The following ARHGAP18 variants were observed in gnomAD, a reference collection of about 807,000 sequenced individuals.
The protein encoded by ARHGAP18 is rho GTPase-activating protein 18.
ARHGAP18 carries 67 observed loss-of-function variants against 86.2 expected under a neutral mutation model. The ratio of observed to expected loss-of-function variants is 0.78; its 90% CI spans 0.64 to 0.95. The LOEUF is 0.95. ARHGAP18 is among the 40% of genes least tolerant of loss of function. The pLI, the probability that ARHGAP18 is intolerant of heterozygous loss-of-function variation, is 0.00. For missense variants in ARHGAP18, 691 were observed against 780.4 expected (o/e 0.89, Z 1.37); for synonymous variants, 283 against 280.4 (o/e 1.01, Z -0.09).
intron 1 of ARHGAP18, among the ~76,000 whole-genome samples, chr6:129,701,977 C>T (rs899883173): frequency 1.3e-5 from 2 of 152,154 alleles, no homozygotes; most frequent in African/African-American, 4.8e-5. Context: ...TGAGTGTCCC[C>T]ATATGACCAG....
chr6:129,580,875 CAAAAAGAAAAA>C (rs1416462134), intron 13 of ARHGAP18, among the ~76,000 whole-genome samples: 2 of 149,406 alleles, frequency 1.3e-5, no homozygotes, highest in Non-Finnish European at 3.0e-5. Context: ...ATCCTGTCTC[CAAAAAGAAAAA>C]AAAAAGAATA....
chr6:129,597,482 A>C (rs1788637689), intron 12 of ARHGAP18, among the ~76,000 whole-genome samples: 1 of 151,992 alleles, frequency 6.6e-6, no homozygotes, highest in Non-Finnish European at 1.5e-5. Context: ...TTTATTTTTC[A>C]CATCTCAGCT....
At chr6:129,584,244 T>A (rs1214395953) in intron 12 of ARHGAP18, 132 bp from the exon 13 acceptor site, 7 of 1,276,832 alleles carry the variant, frequency 5.5e-6, no homozygotes, top group African/African-American at 3.0e-5. Flanking sequence ...AACTACTGTA[T>A]AATGTAATTT....
intron 5 of ARHGAP18, among the ~76,000 whole-genome samples, chr6:129,627,343 A>G (rs72982678): frequency 0.067 from 10,196 of 151,940 alleles, 401 homozygotes; most frequent in South Asian, 0.09. Context: ...TAATAAATTA[A>G]TGGATCCAGG....
chr6:129,601,870 C>G (rs545681438), intron 10 of ARHGAP18, among the ~76,000 whole-genome samples: 1 of 151,864 alleles, frequency 6.6e-6, no homozygotes, highest in South Asian at 2.1e-4. Context: ...TCAAGAAACA[C>G]TTCCACCTCA....
intron 1 of ARHGAP18, among the ~76,000 whole-genome samples, chr6:129,657,904 T>C (rs563485117): frequency 1.8e-4 from 28 of 152,252 alleles, no homozygotes; most frequent in Non-Finnish European, 3.2e-4. Context: ...ATCCTTACTT[T>C]GGGCTATTGC....
Position 129,578,427 on chromosome 6 carries a change from G to T in ARHGAP18, c.*86C>A. ...ACTTGGGTACAACTGAATAATATGA[G>T]TCCTGCCATTTCTTTTATTTACACT... On this transcript the variant is annotated 3_prime_UTR_variant, in exon 15 of 15. Transcript: ENST00000368149. 9.5e-7 allele frequency: 1 copy of T among 1,053,466 alleles called. No homozygotes were observed. The highest frequency in any genetic ancestry group is 1.4e-6 in the Non-Finnish European group (1 of 707,382). The allele number at this position is 1,053,466 out of a possible 1,614,324, so 65.3% of individuals were successfully genotyped here. A position where few individuals can be genotyped will look rare whatever the true frequency, so the allele number is the denominator to read the frequency against.
chr6:129,611,503 A>C (rs34046462), intron 8 of ARHGAP18, 30 bp downstream of exon 8: 194,877 of 1,580,560 alleles, frequency 0.12, 13,459 homozygotes, highest in Middle Eastern at 0.17. Context: ...AAACAATAAA[A>C]TGTTTACATT....
At chr6:129,601,527 A>AAAAGAGAGAAGAAAAGAG (rs1788745086) in intron 10 of ARHGAP18, among the ~76,000 whole-genome samples, 1 of 151,308 alleles carries the variant, frequency 6.6e-6, no homozygotes, top group Non-Finnish European at 1.5e-5. Context: ...GAGAAGAGAG[A>AAAAGAGAGAAGAAAAGAG]AAAGAGAGAA....
chr6:129,680,402 T>A (rs1774305321), intron 1 of ARHGAP18, among the ~76,000 whole-genome samples: 1 of 152,256 alleles, frequency 6.6e-6, no homozygotes, highest in Admixed American at 6.5e-5. Flanking sequence ...GGTGAGAATT[T>A]AATTAAATTA....
At chr6:129,647,139 A>T (rs546137556) in intron 1 of ARHGAP18, among the ~76,000 whole-genome samples, 22 of 151,870 alleles carry the variant, frequency 1.4e-4, no homozygotes, top group South Asian at 1.2e-3. Flanking sequence ...AAATGTCTTT[A>T]AAAAAAACCC....
At chr6:129,657,845 G>A (rs931022387) in intron 1 of ARHGAP18, among the ~76,000 whole-genome samples, 2 of 152,174 alleles carry the variant, frequency 1.3e-5, no homozygotes, top group African/African-American at 2.4e-5. Flanking sequence ...GAGTATGCAT[G>A]ACAGAAAAGA....
At chr6:129,625,908 A>ATTATATATTGTATAT (rs1789444980) in intron 5 of ARHGAP18, among the ~76,000 whole-genome samples, 1 of 83,452 alleles carries the variant, frequency 1.2e-5, no homozygotes, top group Non-Finnish European at 2.3e-5. Flanking sequence ...ATATTTATAT[A>ATTATATATTGTATAT]TTATATATTA....
At chr6:129,610,794 A>C (rs1211629702) in intron 8 of ARHGAP18, among the ~76,000 whole-genome samples, 1 of 152,030 alleles carries the variant, frequency 6.6e-6, no homozygotes, top group Admixed American at 6.6e-5. Flanking sequence ...TGCCTGGATA[A>C]TTTTTTGTAT....
At chr6:129,633,606 A>G (rs1173417510) in intron 4 of ARHGAP18, among the ~76,000 whole-genome samples, 1 of 152,170 alleles carries the variant, frequency 6.6e-6, no homozygotes, top group Non-Finnish European at 1.5e-5. Context: ...TACCCCATAT[A>G]TGAATTAGGA....
At chr6:129,637,053 T>A (rs1274188547) in intron 3 of ARHGAP18, among the ~76,000 whole-genome samples, 7 of 148,620 alleles carry the variant, frequency 4.7e-5, no homozygotes, top group Admixed American at 4.6e-4. Context: ...TTGTACTGTT[T>A]TGTTGTTGTT....
intron 1 of ARHGAP18, among the ~76,000 whole-genome samples, chr6:129,685,489 C>T (rs1774408235): frequency 6.6e-6 from 1 of 150,816 alleles, no homozygotes; most frequent in Non-Finnish European, 1.5e-5. Flanking sequence ...CCTGGGCCAA[C>T]AGAGCAAGAC....
intron 1 of ARHGAP18, among the ~76,000 whole-genome samples, chr6:129,675,974 A>C (rs1009374784): frequency 5.9e-5 from 9 of 152,200 alleles, no homozygotes; most frequent in Non-Finnish European, 5.9e-5. Flanking sequence ...GGGTCATTTT[A>C]AATGGCAGCT....
At chr6:129,608,149 A>G (rs951498815) in intron 8 of ARHGAP18, 97 bp from the exon 9 acceptor site, 5 of 1,377,796 alleles carry the variant, frequency 3.6e-6, no homozygotes, top group Non-Finnish European at 3.8e-6. Flanking sequence ...CTTTCAAGAG[A>G]CTCTGCTCTT....
Sources: allele counts gnomAD v4.1 joint callset (sites outside exome capture counted in the v4.1 genomes callset), GRCh38; gene constraint gnomAD v4.1.1; transcripts MANE v1.5; gene names NCBI Gene and HGNC (gene_info 2026-07-23, HGNC 2026-07-21).